TRUB1: variants seen among roughly 807,000 people sequenced by gnomAD.
TRUB1 encodes TruB pseudouridine synthase family member 1.
In TRUB1, 23 loss-of-function variants were observed where a neutral mutation model predicts 33.9. The observed-to-expected ratio is 0.68, with a 90% confidence interval of 0.49 to 0.96. The LOEUF is 0.96. TRUB1 is among the 40% of genes least tolerant of loss of function. The probability of loss-of-function intolerance (pLI) is 0.00; values close to 1 mark genes in which losing one functional copy is unlikely to be tolerated. For synonymous variants in TRUB1, 163 were observed against 165.4 expected (o/e 0.99, Z 0.11); for missense variants, 378 against 422.2 (o/e 0.90, Z 0.92).
At chr10:114,962,752 A>C (rs2084289688) in intron 4 of TRUB1, among the ~76,000 whole-genome samples, 1 of 152,138 alleles carries the variant, frequency 6.6e-6, no homozygotes, top group South Asian at 2.1e-4. Context: ...ATGCAGGTGT[A>C]TTTCAGCCAT....
intron 3 of TRUB1, among the ~76,000 whole-genome samples, chr10:114,956,902 A>G (rs542277319): frequency 1.3e-5 from 2 of 152,310 alleles, no homozygotes; most frequent in South Asian, 4.1e-4. Context: ...AAAATGTTTG[A>G]GAACATTTTG....
In TRUB1 at chr10:114,941,757, G is replaced by A. The variant is rs537931702; in HGVS notation, c.287-888G>A. ...TAATCTTAGCTGCTTTCCACATAAC[G>A]TTTTGTTGAGATTCGCTTCCTTTGT... On this transcript the variant is annotated intron_variant, in intron 1 of 7. Transcript: ENST00000298746. 1.1e-4 allele frequency among the ~76,000 whole-genome samples: 17 copies of A among 151,958 alleles called. No individual in the cohort carries two copies. In the South Asian group the frequency reaches 3.3e-3, roughly 30 times the overall value.
rs536093469 is a variant in TRUB1, at chr10:114,958,951, A to G, written c.442-775A>G. ...AGAAGTTCGAGACCAGCCTGACAAC[A>G]TGGTGAAACCCCATCTCTACTAAAA... On this transcript the variant is annotated intron_variant, in intron 3 of 7. Transcript: ENST00000298746. 6.6e-5 allele frequency among the ~76,000 whole-genome samples: 10 copies of G among 152,188 alleles called. No homozygotes were observed. In the South Asian group the frequency reaches 8.3e-4, roughly 13 times the overall value.
intron 2 of TRUB1, among the ~76,000 whole-genome samples, chr10:114,945,590 C>G (rs2084207766): frequency 6.6e-6 from 1 of 152,228 alleles, no homozygotes; most frequent in Non-Finnish European, 1.5e-5. Context: ...CAACCTTTGG[C>G]CTGTGGGCTG....
chr10:114,961,913 C>T (rs2143022378), intron 4 of TRUB1, among the ~76,000 whole-genome samples: 1 of 152,196 alleles, frequency 6.6e-6, no homozygotes, highest in South Asian at 2.1e-4. Context: ...AGACCTATGA[C>T]CAATATCTTA....
chr10:114,940,053 A>G (rs770565035), intron 1 of TRUB1, among the ~76,000 whole-genome samples: 3 of 152,004 alleles, frequency 2.0e-5, no homozygotes, highest in Non-Finnish European at 2.9e-5. Context: ...TTTTGTATTT[A>G]TGTTAGTTAG....
In TRUB1 at chr10:114,974,453, A is replaced by C. The variant is rs1398200518; in HGVS notation, c.793+68A>C. 4.3e-6 allele frequency: 6 copies of C among 1,400,888 alleles called. No individual in the cohort carries two copies. In the African/African-American group the frequency reaches 8.5e-5, roughly 20 times the overall value. 86.8% of individuals were successfully genotyped at this position (1,400,888 alleles called of 1,614,324 possible). A position where few individuals can be genotyped will look rare whatever the true frequency, so the allele number is the denominator to read the frequency against. ...TACTCCTTTTCAATTGGAAGAGGGA[A>C]TTTTCCGTTTTTCTTATTTCTGAGT... On this transcript the variant is annotated intron_variant, in intron 7 of 7. Coordinates refer to ENST00000298746, the MANE Select transcript of TRUB1 (RefSeq NM_139169.5).
intron 1 of TRUB1, among the ~76,000 whole-genome samples, chr10:114,939,812 T>C (rs2084177648): frequency 6.9e-6 from 1 of 144,706 alleles, no homozygotes; most frequent in Non-Finnish European, 1.5e-5. Context: ...TTAGCTAAAC[T>C]CTGGGTTTCT....
rs1157364368 is a variant in TRUB1 at position 114,977,087 on chromosome 10, GT to G, written c.*1711del. 6.6e-6 allele frequency: 1 copy of G among 152,054 alleles called. No homozygotes were observed. Among genetic ancestry groups the G allele is most frequent in the Non-Finnish European group, 1.5e-5 (1 of 67,988 alleles). The allele number at this position is 152,054 out of a possible 1,614,324, so 9.4% of individuals were successfully genotyped here. ...TTTTCACCTTAAAAATTGACACAGAGTTTACTAATAGAGGAGTAGAGATTGT... is the reference window on the plus strand; with the variant it reads ...TTTTCACCTTAAAAATTGACACAGAGTTACTAATAGAGGAGTAGAGATTGT... On this transcript the variant is annotated 3_prime_UTR_variant, in exon 8 of 8. Coordinates refer to ENST00000298746, the MANE Select transcript of TRUB1 (RefSeq NM_139169.5).
chr10:114,947,028 A>G (rs189926751), intron 2 of TRUB1, among the ~76,000 whole-genome samples: 22 of 152,302 alleles, frequency 1.4e-4, no homozygotes, highest in African/African-American at 5.3e-4. Context: ...TGTAATCACA[A>G]TATTCTTTAA....
chr10:114,948,546 A>G (rs888394442), intron 2 of TRUB1, among the ~76,000 whole-genome samples: 1 of 152,212 alleles, frequency 6.6e-6, no homozygotes, highest in Non-Finnish European at 1.5e-5. Context: ...TGTCCGGGAA[A>G]CTAACCTGTG....
chr10:114,957,855 C>CA (rs1211100498), intron 3 of TRUB1, among the ~76,000 whole-genome samples: 1 of 152,056 alleles, frequency 6.6e-6, no homozygotes, highest in South Asian at 2.1e-4. Context: ...ACTCTAAAGA[C>CA]AAAAAAATCA....
chr10:114,939,403 C>T (rs1160242157), intron 1 of TRUB1, among the ~76,000 whole-genome samples: 2 of 152,196 alleles, frequency 1.3e-5, no homozygotes, highest in Non-Finnish European at 2.9e-5. Flanking sequence ...GTAATTTCTG[C>T]ACCTTGTGGT....
At chr10:114,940,771 T>C (rs1474261203) in intron 1 of TRUB1, among the ~76,000 whole-genome samples, 1 of 152,210 alleles carries the variant, frequency 6.6e-6, no homozygotes, top group Non-Finnish European at 1.5e-5. Flanking sequence ...GTTGAAAATG[T>C]AAAGAGTTCC....
At chr10:114,958,902 G>A (rs1310316560) in intron 3 of TRUB1, among the ~76,000 whole-genome samples, 1 of 152,150 alleles carries the variant, frequency 6.6e-6, no homozygotes, top group East Asian at 1.9e-4. Flanking sequence ...TTGGGAGGCC[G>A]AGGTGGGTGG....
chr10:114,971,768 T>C (rs1424260263), intron 5 of TRUB1, among the ~76,000 whole-genome samples: 2 of 152,060 alleles, frequency 1.3e-5, no homozygotes, highest in Non-Finnish European at 2.9e-5. Context: ...TAGCTGAGAG[T>C]ATTATGACCA....
intron 2 of TRUB1, among the ~76,000 whole-genome samples, chr10:114,945,076 G>A (rs2084205863): frequency 6.6e-6 from 1 of 152,206 alleles, no homozygotes; most frequent in Admixed American, 6.5e-5. Flanking sequence ...AATTCTCATT[G>A]TAACCTATAA....
chr10:114,945,582 A>G (rs569832444), intron 2 of TRUB1, among the ~76,000 whole-genome samples: 1 of 152,194 alleles, frequency 6.6e-6, no homozygotes, highest in Admixed American at 6.5e-5. Context: ...AGCTTGTCCA[A>G]CCTTTGGCCT....
At chr10:114,970,216 T>C (rs2084329079) in intron 4 of TRUB1, 152 bp from the exon 5 acceptor site, 3 of 521,026 alleles carry the variant, frequency 5.8e-6, no homozygotes, top group South Asian at 6.9e-5. Context: ...TTTTATTCTT[T>C]TTAACAAGGT....
Sources: allele counts gnomAD v4.1 joint callset (sites outside exome capture counted in the v4.1 genomes callset), GRCh38; gene constraint gnomAD v4.1.1; transcripts MANE v1.5; gene names NCBI Gene and HGNC (gene_info 2026-07-23, HGNC 2026-07-21).